Variants in LGALS1 observed in about 807,000 individuals in gnomAD.
LGALS1 encodes the protein galectin-1.
In LGALS1, 14 loss-of-function variants were observed where a neutral mutation model predicts 14.4. That is an observed-to-expected ratio of 0.97 (90% CI 0.64 to 1.52). The LOEUF is 1.52. LGALS1 is among the 40% of genes most tolerant of loss of function. The pLI, the probability that LGALS1 is intolerant of heterozygous loss-of-function variation, is 0.00. For synonymous variants in LGALS1, 71 were observed against 73.4 expected, an observed-to-expected ratio of 0.97 and a Z score of 0.17; for missense variants, 170 against 181.4, an observed-to-expected ratio of 0.94 and a Z score of 0.36.
Position 37,678,592 on chromosome 22 carries a change from G to A in LGALS1, c.199G>A (p.Gly67Arg), listed in dbSNP as rs772352732. 3.7e-6 allele frequency: 6 copies of A among 1,613,242 alleles called. No individual in the cohort carries two copies. Among genetic ancestry groups the A allele is most frequent in the Admixed American group, 1.7e-5 (1 of 59,972 alleles). ...CATCGTGTGCAACAGCAAGGACGGC[G>A]GGGCCTGGGGGACCGAGCAGCGGGA... ...NTIVCNSKDG[G>R]AWGTEQREAV... Residue 67 changes from glycine to arginine, a missense_variant, in exon 3 of 4, where the codon GGG becomes AGG. By Grantham distance (125) the Gly-to-Arg change is moderately radical. Coordinates refer to ENST00000215909, the MANE Select transcript of LGALS1 (RefSeq NM_002305.4).
Position 37,676,971 on chromosome 22 carries a change from G to A in LGALS1, c.10-15G>A, listed in dbSNP as rs200001479. 160 of 1,614,012 alleles carry A rather than the reference G, an allele frequency of 9.9e-5. No individual in the cohort carries two copies. Among genetic ancestry groups the A allele is most frequent in the Non-Finnish European group, 1.2e-4 (146 of 1,180,010 alleles). On this transcript the variant is annotated splice_polypyrimidine_tract_variant and intron_variant, in intron 1 of 3. Transcript: ENST00000215909. ...TTGTCCTCTAACCCGGCTGGGCCGGGGCTTGTCTGTGCAGGGTCTGGTCGC... is the reference window on the plus strand; with the variant it reads ...TTGTCCTCTAACCCGGCTGGGCCGGAGCTTGTCTGTGCAGGGTCTGGTCGC...
intron 1 of LGALS1, among the ~76,000 whole-genome samples, chr22:37,676,398 C>A (rs1921429208): frequency 1.3e-5 from 2 of 152,190 alleles, no homozygotes; most frequent in Non-Finnish European, 2.9e-5. Context: ...AACAGCAGTG[C>A]CCAGCAGTTT....
At chr22:37,677,290 A>G (rs1921467231) in intron 2 of LGALS1, 4 of 555,718 alleles carry the variant, frequency 7.2e-6, no homozygotes, top group East Asian at 3.1e-5. Flanking sequence ...AAACTAAACC[A>G]GCTGCAGCCT....
intron 2 of LGALS1, among the ~76,000 whole-genome samples, chr22:37,677,974 G>T (rs1490767330): frequency 6.6e-6 from 1 of 151,942 alleles, no homozygotes; most frequent in African/African-American, 2.4e-5. Context: ...TAGTAGAGAC[G>T]GGGTTTCACC....
chr22:37,679,527 C>T (rs1166991788), intron 3 of LGALS1, 76 bp from the exon 4 acceptor site: 2 of 1,359,808 alleles, frequency 1.5e-6, no homozygotes, highest in African/African-American at 3.0e-5. Context: ...GGGGCTGTGT[C>T]AGGGCCACAT....
At chr22:37,677,098 G>A in intron 2 of LGALS1, 33 bp downstream of exon 2, 1 of 1,606,222 alleles carries the variant, frequency 6.2e-7, no homozygotes, top group Non-Finnish European at 8.5e-7. Context: ...TGGGCGGCAG[G>A]GACGGGCTTG....
At chr22:37,679,023 C>T (rs1220300403) in intron 3 of LGALS1, among the ~76,000 whole-genome samples, 2 of 151,064 alleles carry the variant, frequency 1.3e-5, no homozygotes, top group Non-Finnish European at 2.9e-5. Context: ...CCCAGCTACT[C>T]AGGAGGCTGA....
intron 1 of LGALS1, 46 bp from the exon 2 acceptor site, chr22:37,676,940 G>C (rs1921448407): frequency 6.2e-7 from 1 of 1,606,132 alleles, no homozygotes; most frequent in South Asian, 1.1e-5. Context: ...TCGAGCAGTG[G>C]AGGCCTTGTC....
chr22:37,675,651 A>C lies in LGALS1; in HGVS notation c.-52A>C, dbSNP rs1468422057. The C allele has an allele frequency of 1.3e-6, 2 of 1,546,648 alleles. No homozygotes were observed. Among genetic ancestry groups the C allele is most frequent in the Non-Finnish European group, 8.7e-7 (1 of 1,145,392 alleles). On this transcript the variant is annotated 5_prime_UTR_variant, in exon 1 of 4. Transcript: ENST00000215909. Reference sequence around the variant, plus strand: ...CCGGGGGCCCATCTCTCTCGGGTGGAGTCTTCTGACAGCTGGTGCGCCTGC... The same window carrying C: ...CCGGGGGCCCATCTCTCTCGGGTGGCGTCTTCTGACAGCTGGTGCGCCTGC...
intron 3 of LGALS1, among the ~76,000 whole-genome samples, chr22:37,678,927 C>T (rs1215836709): frequency 2.0e-5 from 3 of 151,938 alleles, no homozygotes; most frequent in Non-Finnish European, 4.4e-5. Flanking sequence ...GTCGGGAGTT[C>T]GAGACCAGCC....
At chr22:37,676,750 G>A (rs375771492) in intron 1 of LGALS1, 1 of 593,918 alleles carries the variant, frequency 1.7e-6, no homozygotes. Context: ...CTGTCTTCTA[G>A]AACCTTCACG....
chr22:37,676,758 A>G, intron 1 of LGALS1: 4 of 606,924 alleles, frequency 6.6e-6, no homozygotes, highest in South Asian at 5.6e-5. Context: ...TAGAACCTTC[A>G]CGTTACAGAC....
At chr22:37,678,979 A>C (rs1417777773) in intron 3 of LGALS1, among the ~76,000 whole-genome samples, 1 of 151,740 alleles carries the variant, frequency 6.6e-6, no homozygotes, top group Non-Finnish European at 1.5e-5. Context: ...AAAATACAAA[A>C]AATTAGCTAG....
intron 1 of LGALS1, 129 bp from the exon 2 acceptor site, chr22:37,676,856 GC>G (rs763291158): frequency 1.2e-6 from 1 of 856,664 alleles, no homozygotes; most frequent in African/African-American, 1.7e-5. Flanking sequence ...CTTTCCCCAG[GC>G]TTCCCCTTGG....
chr22:37,677,179 C>A, intron 2 of LGALS1, 114 bp downstream of exon 2: 2 of 1,030,678 alleles, frequency 1.9e-6, no homozygotes, highest in Non-Finnish European at 2.9e-6. Flanking sequence ...AACGGCCAGC[C>A]GCCGATGCTG....
chr22:37,675,688 CT>C lies in LGALS1; in HGVS notation c.-14del, dbSNP rs1379409023. On this transcript the variant is annotated 5_prime_UTR_variant, in exon 1 of 4. Transcript: ENST00000215909. ...GCTGGTGCGCCTGCCCGGGAACATC[CT>C]CCTGGACTCAATCATGGCTTGTGTG... 1 of 1,549,370 alleles carries C rather than the reference CT, an allele frequency of 6.5e-7. No homozygotes were observed. Among genetic ancestry groups the C allele is most frequent in the East Asian group, 2.4e-5 (1 of 40,938 alleles).
At chr22:37,678,311 G>C (rs1455694534) in intron 2 of LGALS1, 172 bp from the exon 3 acceptor site, 1 of 747,102 alleles carries the variant, frequency 1.3e-6, no homozygotes, top group East Asian at 2.7e-5. Context: ...TGAGCAAACA[G>C]GGGAAGAGGG....
chr22:37,675,843 G>T, intron 1 of LGALS1, 132 bp downstream of exon 1: 1 of 734,984 alleles, frequency 1.4e-6, no homozygotes, highest in African/African-American at 1.8e-5. Flanking sequence ...CTCTTTTCTG[G>T]ACCTCAGTGG....
At chr22:37,678,436 G>T (rs746485220) in intron 2 of LGALS1, 47 bp from the exon 3 acceptor site, 2 of 1,606,984 alleles carry the variant, frequency 1.2e-6, no homozygotes, top group East Asian at 2.2e-5. Context: ...CGGTCAGTGG[G>T]GCTGGAGCTG....
Sources: gnomAD v4.1 joint callset for allele counts (sites outside exome capture counted in the v4.1 genomes callset) on GRCh38, gnomAD v4.1.1 for gene constraint, MANE v1.5 for transcripts, NCBI Gene and HGNC (gene_info 2026-07-23, HGNC 2026-07-21) for gene names.